COMMD10: variants seen among roughly 807,000 people sequenced by gnomAD.
The protein encoded by COMMD10 is COMM domain-containing protein 10.
Under a neutral mutation model 28.9 loss-of-function variants are expected in COMMD10, and 33 were observed. The ratio of observed to expected loss-of-function variants is 1.14; its 90% CI spans 0.87 to 1.53. The LOEUF is 1.53. Ranked by LOEUF, COMMD10 falls within the 40% of genes most tolerant of loss-of-function variation. The pLI, the probability that COMMD10 is intolerant of heterozygous loss-of-function variation, is 0.00. For synonymous variants in COMMD10, 110 were observed against 81.7 expected (o/e 1.35, Z -1.87); for missense variants, 310 against 233.4 (o/e 1.33, Z -2.14).
chr5:116,285,255 T>C (rs1230161743), intron 5 of COMMD10, among the ~76,000 whole-genome samples: 2 of 151,976 alleles, frequency 1.3e-5, no homozygotes, highest in African/African-American at 2.4e-5. Flanking sequence ...TGCTCTATAC[T>C]CCTTACTTGA....
chr5:116,170,929 A>G (rs1184201117), intron 5 of COMMD10, among the ~76,000 whole-genome samples: 1 of 152,230 alleles, frequency 6.6e-6, no homozygotes, highest in Admixed American at 6.5e-5. Context: ...GGCATGGGCC[A>G]AGATTTCATG....
chr5:116,184,029 A>G (rs1185863476), intron 5 of COMMD10, among the ~76,000 whole-genome samples: 1 of 152,134 alleles, frequency 6.6e-6, no homozygotes, highest in Non-Finnish European at 1.5e-5. Flanking sequence ...CCAGTTAACT[A>G]TGTTGTTCTC....
intron 5 of COMMD10, among the ~76,000 whole-genome samples, chr5:116,282,944 TA>T (rs1406463252): frequency 6.6e-6 from 1 of 151,920 alleles, no homozygotes; most frequent in Non-Finnish European, 1.5e-5. Flanking sequence ...AGACGAGGAA[TA>T]AACATGTACA....
At chr5:116,291,429 A>G (rs538575448) in intron 5 of COMMD10, 88 bp from the exon 6 acceptor site, 14 of 891,594 alleles carry the variant, frequency 1.6e-5, no homozygotes, top group African/African-American at 6.7e-5. Flanking sequence ...GGACAATCTT[A>G]TGTCATATTC....
In COMMD10 at chr5:116,225,699, C is replaced by T. The variant is rs1749377581; in HGVS notation, c.511-65818C>T. 3.3e-5 allele frequency among the ~76,000 whole-genome samples: 5 copies of T among 152,030 alleles called. No individual in the cohort carries two copies. The South Asian group carries it at 1.0e-3, about 32-fold the overall frequency. On this transcript the variant is annotated intron_variant, in intron 5 of 6. Coordinates refer to ENST00000274458, the MANE Select transcript of COMMD10 (RefSeq NM_016144.4). ...ACAGTAGCCATGCCAGCTTTGGGCC[C>T]TATACTCTGACACATCAAGCCTGTC...
At chr5:116,148,114 A>G (rs1221340126) in intron 5 of COMMD10, among the ~76,000 whole-genome samples, 5 of 151,882 alleles carry the variant, frequency 3.3e-5, no homozygotes, top group African/African-American at 9.7e-5. Flanking sequence ...AAAATACTAT[A>G]TACTAACATG....
intron 5 of COMMD10, among the ~76,000 whole-genome samples, chr5:116,144,119 T>C (rs550687745): frequency 2.4e-4 from 37 of 151,798 alleles, no homozygotes; most frequent in South Asian, 4.1e-4. Flanking sequence ...TGGGAGCAAA[T>C]TGTAAACTAG....
intron 5 of COMMD10, among the ~76,000 whole-genome samples, chr5:116,149,814 C>G (rs952169813): frequency 6.2e-5 from 9 of 145,466 alleles, no homozygotes; most frequent in Admixed American, 4.1e-4. Context: ...GTTGCCTGTT[C>G]ACTCTGATGG....
intron 5 of COMMD10, among the ~76,000 whole-genome samples, chr5:116,141,984 A>G (rs886914147): frequency 6.6e-6 from 1 of 151,850 alleles, no homozygotes; most frequent in African/African-American, 2.4e-5. Context: ...TTTAAAAATC[A>G]TGATTCATTT....
chr5:116,096,020 AGT>A (rs1750456492), intron 4 of COMMD10, among the ~76,000 whole-genome samples: 1 of 152,116 alleles, frequency 6.6e-6, no homozygotes, highest in Non-Finnish European at 1.5e-5. Flanking sequence ...CTTAATAGTA[AGT>A]GTTAAAATCA....
intron 5 of COMMD10, among the ~76,000 whole-genome samples, chr5:116,268,629 C>T (rs573825130): frequency 3.3e-5 from 5 of 152,006 alleles, no homozygotes; most frequent in South Asian, 2.1e-4. Context: ...ATAAATCATG[C>T]TGCTATAAAG....
At chr5:116,106,782 A>C (rs1349785244) in intron 4 of COMMD10, among the ~76,000 whole-genome samples, 1 of 152,166 alleles carries the variant, frequency 6.6e-6, no homozygotes, top group South Asian at 2.1e-4. Context: ...CTGTTTTATC[A>C]GAGACTAGGA....
chr5:116,215,078 C>T (rs1037430630), intron 5 of COMMD10, among the ~76,000 whole-genome samples: 1 of 151,782 alleles, frequency 6.6e-6, no homozygotes, highest in African/African-American at 2.4e-5. Flanking sequence ...ATAGTTTTTA[C>T]CCATATTGGT....
chr5:116,212,258 T>C (rs1301795120), intron 5 of COMMD10, among the ~76,000 whole-genome samples: 1 of 152,106 alleles, frequency 6.6e-6, no homozygotes, highest in Non-Finnish European at 1.5e-5. Context: ...AGCTACAATT[T>C]GATAAGCCAG....
chr5:116,203,875 A>C (rs187265761), intron 5 of COMMD10, among the ~76,000 whole-genome samples: 8 of 152,122 alleles, frequency 5.3e-5, no homozygotes, highest in Non-Finnish European at 8.8e-5. Context: ...GACAGGATCA[A>C]ATTCACACAT....
In COMMD10 at chr5:116,214,515, A is replaced by G. The variant is rs533775090; in HGVS notation, c.511-77002A>G. ...CATATTACCTTACTGGATCTTAACC[A>G]CTGTAAGCATTAAATGGTATTGCCA... On this transcript the variant is annotated intron_variant, in intron 5 of 6. Transcript: ENST00000274458. 2.4e-4 allele frequency among the ~76,000 whole-genome samples: 37 copies of G among 152,278 alleles called. No individual in the cohort carries two copies. The South Asian group carries it at 7.7e-3, about 32-fold the overall frequency.
At chr5:116,168,694 A>G (rs1279866958) in intron 5 of COMMD10, among the ~76,000 whole-genome samples, 1 of 152,124 alleles carries the variant, frequency 6.6e-6, no homozygotes, top group Non-Finnish European at 1.5e-5. Context: ...AACCACACAA[A>G]TACATGGAAA....
intron 5 of COMMD10, among the ~76,000 whole-genome samples, chr5:116,149,060 T>A (rs1752431265): frequency 7.1e-6 from 1 of 140,126 alleles, no homozygotes; most frequent in Non-Finnish European, 1.5e-5. Flanking sequence ...GTCCATGTGT[T>A]CTCATTGTTC....
At chr5:116,099,166 C>G (rs1750567456) in intron 4 of COMMD10, among the ~76,000 whole-genome samples, 1 of 152,220 alleles carries the variant, frequency 6.6e-6, no homozygotes, top group Non-Finnish European at 1.5e-5. Context: ...CCATTCTACT[C>G]TCTGCTTCAG....
Sources: gnomAD v4.1 joint callset for allele counts (sites outside exome capture counted in the v4.1 genomes callset) on GRCh38, gnomAD v4.1.1 for gene constraint, MANE v1.5 for transcripts, NCBI Gene and HGNC (gene_info 2026-07-23, HGNC 2026-07-21) for gene names.